FNBP4: variants seen among roughly 807,000 people sequenced by gnomAD.
FNBP4 encodes the protein formin-binding protein 4.
FNBP4 carries 34 observed loss-of-function variants against 119.3 expected under a neutral mutation model. The observed-to-expected ratio is 0.28, with a 90% CI of 0.22 to 0.38. The LOEUF is 0.38. FNBP4 is among the 10% of genes least tolerant of loss of function. The pLI is 1.00. For synonymous variants in FNBP4, 462 were observed against 430.6 expected (o/e 1.07, Z -0.90); for missense variants, 1,112 against 1,228.9 (o/e 0.90, Z 1.42).
intron 9 of FNBP4, among the ~76,000 whole-genome samples, 183 bp from the exon 10 acceptor site, chr11:47,734,312 T>C (rs1436903712): frequency 6.6e-6 from 1 of 152,212 alleles, no homozygotes; most frequent in Non-Finnish European, 1.5e-5. Context: ...ATAATACACA[T>C]AACAAAGTGA....
chr11:47,728,532 G>C (rs1054164333), intron 12 of FNBP4, among the ~76,000 whole-genome samples: 1 of 151,926 alleles, frequency 6.6e-6, no homozygotes, highest in East Asian at 1.9e-4. Flanking sequence ...GCCGTGAGCT[G>C]TAATTTTTCC....
In FNBP4 at chr11:47,732,247, C is replaced by T. The variant is rs1283886655; in HGVS notation, c.1820+290G>A. 6 of 1,207,032 alleles carry T rather than the reference C, an allele frequency of 5.0e-6. No homozygotes were observed. Among genetic ancestry groups the T allele is most frequent in the Non-Finnish European group, 6.2e-6 (6 of 965,790 alleles). The allele number at this position is 1,207,032 out of a possible 1,614,324, so 74.8% of individuals were successfully genotyped here. A position where few individuals can be genotyped will look rare whatever the true frequency, so the allele number is the denominator to read the frequency against. ...GTAAAGCGCACAGAGCTCTCGCATGCGCTTAACCCCCAAGCCCGCCCTACT... is the reference window on the plus strand; with the variant it reads ...GTAAAGCGCACAGAGCTCTCGCATGTGCTTAACCCCCAAGCCCGCCCTACT... On this transcript the variant is annotated intron_variant, in intron 11 of 16. Transcript: ENST00000263773. This position sits in a 1 kb window ranked among gnomAD's most constrained non-coding sequence, Gnocchi z 4.2.
At position 47,753,001 on chromosome 11, in the gene FNBP4, A is replaced by G. The variant is rs2097607369; in HGVS notation, c.552T>C (p.Ser184=). The G allele has an allele frequency of 6.2e-7, 1 of 1,614,028 alleles. No individual in the cohort carries two copies. The highest frequency in any genetic ancestry group is 8.5e-7 in the Non-Finnish European group (1 of 1,179,998). ...PRPEPKEAAT[S]TLSSSTSNGT... is the part of the protein sequence containing the mutation. ...CATTTGAAGTAGAAGAAGAAAGGGT[A>G]GATGTTGCTGCTTCCTTTGGCTCTG... Residue 184 remains serine, a synonymous_variant, in exon 4 of 17, where the codon TCT becomes TCC. Coordinates refer to ENST00000263773, the MANE Select transcript of FNBP4 (RefSeq NM_015308.5).
rs1227152736 is a variant in FNBP4, at chr11:47,723,092, C to T, written c.2689G>A (p.Val897Met). 2 of 1,613,210 alleles carry T rather than the reference C, an allele frequency of 1.2e-6. No homozygotes were observed. Among genetic ancestry groups the T allele is most frequent in the East Asian group, 4.5e-5 (2 of 44,862 alleles). Reference sequence around the variant, plus strand: ...GGTTCTATAATGGTAGCGGTAGGCACAGCACCTCGGGCCTGAACTGGCTGC... The same window carrying T: ...GGTTCTATAATGGTAGCGGTAGGCATAGCACCTCGGGCCTGAACTGGCTGC... Reference protein sequence around the residue: ...SLQPVQARGAVPTATIIEPPP... With the variant: ...SLQPVQARGAMPTATIIEPPP... Residue 897 changes from valine (V) to methionine (M), a missense_variant, in exon 15 of 17, where the codon GTG (valine) becomes ATG (methionine). Val to Met is a conservative substitution (Grantham distance 21). This residue lies in a region of FNBP4 where 826 missense variants were observed against 988.8 expected (regional missense o/e 0.84). Transcript: ENST00000263773.
intron 11 of FNBP4, chr11:47,731,884 A>G: frequency 9.6e-7 from 1 of 1,036,366 alleles, no homozygotes; most frequent in Non-Finnish European, 1.2e-6. Context: ...GAAGGGACTC[A>G]ATCGCCTAGA....
At chr11:47,764,820 G>C (rs78404448) in intron 2 of FNBP4, among the ~76,000 whole-genome samples, 18,402 of 152,188 alleles carry the variant, frequency 0.12, 1,236 homozygotes, top group Non-Finnish European at 0.15. Context: ...GAATGCCAGA[G>C]TGATGAATTG....
chr11:47,762,307 T>G (rs2097637186), intron 2 of FNBP4, among the ~76,000 whole-genome samples: 1 of 151,968 alleles, frequency 6.6e-6, no homozygotes, highest in African/African-American at 2.4e-5. Context: ...AATTGTATTT[T>G]TAGTAGCGAT....
chr11:47,757,406 G>T (rs531656556), intron 2 of FNBP4, among the ~76,000 whole-genome samples: 2 of 152,034 alleles, frequency 1.3e-5, no homozygotes, highest in Non-Finnish European at 2.9e-5. Flanking sequence ...TAGAGATGGG[G>T]TTTCACCGTG....
At chr11:47,748,624 C>G (rs549669584) in intron 6 of FNBP4, among the ~76,000 whole-genome samples, 221 of 151,616 alleles carry the variant, frequency 1.5e-3, no homozygotes, top group African/African-American at 4.9e-3. Context: ...ATCTTCCTGC[C>G]CTGATTAAAT....
intron 7 of FNBP4, among the ~76,000 whole-genome samples, chr11:47,745,852 C>T (rs2135194719): frequency 6.6e-6 from 1 of 152,136 alleles, no homozygotes; most frequent in South Asian, 2.1e-4. Flanking sequence ...GGGGTGAGTT[C>T]CCCCGATAAC....
chr11:47,754,377 G>C (rs542439046), intron 3 of FNBP4, 151 bp downstream of exon 3: 4 of 754,458 alleles, frequency 5.3e-6, no homozygotes, highest in East Asian at 2.7e-5. Context: ...AACAAAAAGA[G>C]AGATAGAGAT....
Position 47,743,984 on chromosome 11 carries a change from A to C in FNBP4, c.1425T>G (p.Thr475=), listed in dbSNP as rs2097585881. ...CTCCATTTTCTGGAGTATCTCGTCC[A>C]GTTTTACTAGAACTCCTACTGGTAG... ...PESTSRSSSK[T]GRDTPENGET... The change falls in exon 8 of 17, where the codon ACT becomes ACG. Residue 475 remains threonine (T), a synonymous_variant. Coordinates refer to ENST00000263773, the MANE Select transcript of FNBP4 (RefSeq NM_015308.5). The C allele has an allele frequency of 2.5e-6, 4 of 1,614,200 alleles. No homozygotes were observed. The highest frequency in any genetic ancestry group is 3.4e-6 in the Non-Finnish European group (4 of 1,180,032).
chr11:47,742,612 G>A (rs1182889893), intron 8 of FNBP4, among the ~76,000 whole-genome samples: 1 of 151,790 alleles, frequency 6.6e-6, no homozygotes, highest in Non-Finnish European at 1.5e-5. Context: ...TTCAGGCTAG[G>A]GGTGCTGGCT....
chr11:47,739,582 A>G (rs1237275724), intron 8 of FNBP4, among the ~76,000 whole-genome samples: 1 of 152,212 alleles, frequency 6.6e-6, no homozygotes, highest in Non-Finnish European at 1.5e-5. Context: ...TCAGGATGTT[A>G]CCACAGTATT....
chr11:47,754,364 C>T (rs1474888257), intron 3 of FNBP4, among the ~76,000 whole-genome samples, 164 bp downstream of exon 3: 2 of 151,910 alleles, frequency 1.3e-5, no homozygotes, highest in African/African-American at 4.8e-5. Flanking sequence ...TTAAACAAAA[C>T]AAAACAAAAA....
intron 16 of FNBP4, among the ~76,000 whole-genome samples, chr11:47,719,576 ATGTG>A (rs66711141): frequency 0.068 from 10,042 of 147,548 alleles, 458 homozygotes; most frequent in East Asian, 0.24. Flanking sequence ...TTATGTGTGT[ATGTG>A]TGTGTGTGTG....
chr11:47,737,047 C>CA (rs1446569996), intron 8 of FNBP4, among the ~76,000 whole-genome samples: 2 of 151,888 alleles, frequency 1.3e-5, no homozygotes, highest in African/African-American at 4.8e-5. Flanking sequence ...ACTAAAAATA[C>CA]AAAAAATTAG....
At position 47,732,587 on chromosome 11, in the gene FNBP4, T is replaced by C; in HGVS notation, c.1770A>G (p.Lys590=). 1.2e-6 allele frequency: 2 copies of C among 1,614,168 alleles called. No homozygotes were observed. The highest frequency in any genetic ancestry group is 1.7e-6 in the Non-Finnish European group (2 of 1,180,026). ...RKLQDAAEQL[K]QYEINATPKG... ...TAGGAGTGGCGTTTATTTCATACTG[T>C]TTTAGTTGTTCTGCTGCATCCTGAA... is the stretch of plus-strand genomic sequence containing the variant. The change falls in exon 11 of 17, where the codon AAA becomes AAG. Residue 590 remains lysine (K), a synonymous_variant. Coordinates refer to ENST00000263773, the MANE Select transcript of FNBP4 (RefSeq NM_015308.5). The surrounding 1 kb of genome is among the most constrained non-coding windows in gnomAD (Gnocchi z 4.2).
chr11:47,757,123 T>C (rs1033170236), intron 2 of FNBP4, among the ~76,000 whole-genome samples: 1 of 152,202 alleles, frequency 6.6e-6, no homozygotes, highest in Non-Finnish European at 1.5e-5. Context: ...ATCACCACAC[T>C]GTCTTCCACA....
Sources: allele counts gnomAD v4.1 joint callset (sites outside exome capture counted in the v4.1 genomes callset), GRCh38; gene constraint gnomAD v4.1.1; regional missense constraint gnomAD v4.1.1; non-coding constraint Gnocchi (gnomAD v3.1); transcripts MANE v1.5; gene names NCBI Gene and HGNC (gene_info 2026-07-23, HGNC 2026-07-21).